RBFOX1: variants seen among roughly 807,000 people sequenced by gnomAD.
RBFOX1 encodes the protein RNA binding protein fox-1 homolog 1.
A neutral mutation model predicts 57.7 loss-of-function variants in RBFOX1; 8 were observed. That is an observed-to-expected ratio of 0.14 (90% CI 0.08 to 0.25). RBFOX1 has a LOEUF of 0.25. Among genes scored for constraint, RBFOX1 ranks in the 10% least tolerant of loss-of-function variants. RBFOX1 has a pLI of 1.00. For synonymous variants in RBFOX1, 326 were observed against 222.4 expected (o/e 1.47, Z -4.15); for missense variants, 611 against 548.5 (o/e 1.11, Z -1.14).
intron 1 of RBFOX1, among the ~76,000 whole-genome samples, chr16:6,275,462 C>G (rs927768255): frequency 3.3e-5 from 5 of 152,200 alleles, no homozygotes; most frequent in African/African-American, 1.2e-4. Context: ...ATTCGCATCT[C>G]ATAACTACCC....
chr16:7,259,117 C>T lies in RBFOX1; in HGVS notation c.27+207019C>T, dbSNP rs374973149. Among the ~76,000 whole-genome samples, 35 of 152,296 alleles carry T rather than the reference C, an allele frequency of 2.3e-4. No homozygotes were observed. The South Asian group carries it at 6.2e-3, about 27-fold the overall frequency. On this transcript the variant is annotated intron_variant, in intron 4 of 15. Transcript: ENST00000550418. Reference sequence around the variant, plus strand: ...ATGAGAAGCAATTTAACCTGGTTGACCATCTCCATCAATCTGTCACCTGGA... The same window carrying T: ...ATGAGAAGCAATTTAACCTGGTTGATCATCTCCATCAATCTGTCACCTGGA...
rs550960334 is a variant in RBFOX1 at position 7,147,627 on chromosome 16, C to T, written c.27+95529C>T. Among the ~76,000 whole-genome samples the T allele has an allele frequency of 4.8e-4, 73 of 152,262 alleles. No individual in the cohort carries two copies. The South Asian group carries it at 0.013, about 27-fold the overall frequency. ...GATTAATGGCTTCCAGCTGCATTCA[C>T]GTTGCTGCAATGAACATGATTTTGT... On this transcript the variant is annotated intron_variant, in intron 4 of 15. Coordinates refer to ENST00000550418, the MANE Select transcript of RBFOX1 (RefSeq NM_018723.4).
rs111768471 is a variant in RBFOX1 at position 7,539,491 on chromosome 16, G to T, written c.270+21102G>T. 8.3e-3 allele frequency among the ~76,000 whole-genome samples: 1,265 copies of T among 152,306 alleles called. 20 individuals are homozygous for T. The highest frequency in any genetic ancestry group is 0.029 in the African/African-American group (1,217 of 41,564). On this transcript the variant is annotated intron_variant, in intron 5 of 15. Transcript: ENST00000550418. ...GAGCGTATTTTTGCACATCTGAGAA[G>T]CCCAGGTGACATATTGTCCATGATC...
chr16:6,343,615 T>G (rs1464118108), intron 2 of RBFOX1, among the ~76,000 whole-genome samples: 1 of 152,176 alleles, frequency 6.6e-6, no homozygotes, highest in African/African-American at 2.4e-5. Context: ...CCAAATAAGG[T>G]ATTCATGTTT....
At chr16:6,230,708 ATATCT>A (rs2097452574) in intron 1 of RBFOX1, among the ~76,000 whole-genome samples, 1 of 152,220 alleles carries the variant, frequency 6.6e-6, no homozygotes, top group Admixed American at 6.5e-5. Context: ...GATTGAGCAA[ATATCT>A]TATGCGGATA....
In RBFOX1 at chr16:6,637,415, T is replaced by TATA. The variant is rs2098452680; in HGVS notation, c.-63-17187_-63-17186insTAA. Among the ~76,000 whole-genome samples the TATA allele has an allele frequency of 1.1e-4, 2 of 18,138 alleles. 1 individual carries two copies. The highest frequency in any genetic ancestry group is 2.2e-4 in the African/African-American group (2 of 9,020). 11.9% of individuals were successfully genotyped at this position (18,138 alleles called of 152,430 possible). A position where few individuals can be genotyped will look rare whatever the true frequency, so the allele number is the denominator to read the frequency against. On this transcript the variant is annotated intron_variant, in intron 2 of 15. Transcript: ENST00000550418. Reference sequence around the variant, plus strand: ...TTATATATTAAATATATATATTATATAATATATAAATATATTATATAAATA... The same window carrying TATA: ...TTATATATTAAATATATATATTATATATAAATATATAAATATATTATATAAATA...
At chr16:7,485,062 CT>C (rs57122573) in intron 4 of RBFOX1, among the ~76,000 whole-genome samples, 127,472 of 147,664 alleles carry the variant, frequency 0.86, 54,983 homozygotes, top group East Asian at 0.97. Context: ...CATTAATCCA[CT>C]TTTTTTTTTT....
chr16:6,499,237 A>G (rs565977045), intron 2 of RBFOX1, among the ~76,000 whole-genome samples: 2 of 152,282 alleles, frequency 1.3e-5, no homozygotes, highest in African/African-American at 4.8e-5. Flanking sequence ...TCAAAATGAT[A>G]TGGTGATGCA....
At chr16:5,478,153 C>T (rs866062729) in intron 2 of RBFOX1, among the ~76,000 whole-genome samples, 3 of 152,132 alleles carry the variant, frequency 2.0e-5, no homozygotes, top group South Asian at 2.1e-4. Flanking sequence ...TTATGTCCTC[C>T]CTTGGGGCTC....
intron 1 of RBFOX1, among the ~76,000 whole-genome samples, chr16:5,324,445 A>C (rs1162334607): frequency 1.3e-5 from 2 of 152,218 alleles, no homozygotes; most frequent in African/African-American, 2.4e-5. Context: ...CCTGGGTGAC[A>C]GAGTGAAACT....
At chr16:7,096,496 G>A (rs867057450) in intron 4 of RBFOX1, among the ~76,000 whole-genome samples, 1 of 152,232 alleles carries the variant, frequency 6.6e-6, no homozygotes, top group Middle Eastern at 3.4e-3. Flanking sequence ...GAAGTAGTAG[G>A]CTCTAGGAAA....
intron 3 of RBFOX1, among the ~76,000 whole-genome samples, chr16:6,979,285 G>A (rs2087982683): frequency 6.6e-6 from 1 of 152,160 alleles, no homozygotes; most frequent in Non-Finnish European, 1.5e-5. Flanking sequence ...ATTCTATGGG[G>A]TCCTGTCTGA....
intron 1 of RBFOX1, among the ~76,000 whole-genome samples, chr16:5,374,649 T>C (rs1205792575): frequency 6.6e-6 from 1 of 151,784 alleles, no homozygotes; most frequent in Non-Finnish European, 1.5e-5. Flanking sequence ...AGGGGAGTCT[T>C]TGAACATGTT....
chr16:5,731,454 A>T (rs1179938951), intron 3 of RBFOX1, among the ~76,000 whole-genome samples: 1 of 152,202 alleles, frequency 6.6e-6, no homozygotes, highest in East Asian at 1.9e-4. Flanking sequence ...GAAGGTGGGT[A>T]CTGTTGCTAT....
At chr16:6,322,827 G>C (rs1334583382) in intron 2 of RBFOX1, among the ~76,000 whole-genome samples, 2 of 152,212 alleles carry the variant, frequency 1.3e-5, no homozygotes, top group Non-Finnish European at 2.9e-5. Context: ...CTTAATTCAA[G>C]GCCAGGCACA....
chr16:6,617,220 G>C (rs905363804), intron 2 of RBFOX1, among the ~76,000 whole-genome samples: 6 of 151,512 alleles, frequency 4.0e-5, no homozygotes, highest in Non-Finnish European at 5.9e-5. Context: ...ACTTCTGCTT[G>C]GAAAAATACA....
At chr16:6,228,647 C>T (rs1248149983) in intron 1 of RBFOX1, among the ~76,000 whole-genome samples, 1 of 151,946 alleles carries the variant, frequency 6.6e-6, no homozygotes, top group Non-Finnish European at 1.5e-5. Flanking sequence ...TGGTGGTTAC[C>T]AAGGGCTGGT....
chr16:7,114,195 G>A (rs995515143), intron 4 of RBFOX1, among the ~76,000 whole-genome samples: 7 of 152,152 alleles, frequency 4.6e-5, no homozygotes, highest in Non-Finnish European at 8.8e-5. Context: ...CAGTCTTTAC[G>A]TGGAGGTGCT....
intron 4 of RBFOX1, among the ~76,000 whole-genome samples, chr16:7,149,946 C>G (rs2075796963): frequency 6.6e-6 from 1 of 152,136 alleles, no homozygotes; most frequent in Non-Finnish European, 1.5e-5. Flanking sequence ...CAAAATATGC[C>G]ATGTTTTTCT....
Sources: allele counts gnomAD v4.1 joint callset (sites outside exome capture counted in the v4.1 genomes callset), GRCh38; gene constraint gnomAD v4.1.1; transcripts MANE v1.5; gene names NCBI Gene and HGNC (gene_info 2026-07-23, HGNC 2026-07-21).